The following CFAP221 variants were observed in gnomAD, a reference collection of about 807,000 sequenced individuals.
CFAP221 encodes cilia and flagella associated protein 221, also known as cilia- and flagella-associated protein 221.
Under a neutral mutation model 113.1 loss-of-function variants are expected in CFAP221, and 97 were observed. The observed-to-expected ratio is 0.86, with a 90% CI of 0.73 to 1.02. CFAP221 has a LOEUF of 1.02. Among genes scored for constraint, CFAP221 ranks in the 50% least tolerant of loss-of-function variants. The probability of loss-of-function intolerance (pLI) is 0.00; values close to 1 mark genes in which losing one functional copy is unlikely to be tolerated. For missense variants in CFAP221, 1,025 were observed against 1,013.4 expected, an observed-to-expected ratio of 1.01 and a Z score of -0.16; for synonymous variants, 331 against 354.4, an observed-to-expected ratio of 0.93 and a Z score of 0.74.
rs1413658401 is a variant in CFAP221, at chr2:119,601,275, A to G, written c.689A>G (p.Tyr230Cys). ...TVTIKFTPFQ[Y>C]GTAQIKMQLW... ...ACTATTAAGTTTACACCCTTTCAGTATGGGACTGCACAAATAAAAATGCAG... is the reference window on the plus strand; with the variant it reads ...ACTATTAAGTTTACACCCTTTCAGTGTGGGACTGCACAAATAAAAATGCAG... Residue 230 changes from tyrosine to cysteine, a missense_variant, in exon 8 of 24, where the codon TAT becomes TGT. Coordinates refer to ENST00000413369, the MANE Select transcript of CFAP221 (RefSeq NM_001271049.2). The G allele has an allele frequency of 1.3e-6, 2 of 1,535,662 alleles. No individual in the cohort carries two copies. The highest frequency in any genetic ancestry group is 1.2e-5 in the South Asian group (1 of 83,976).
intron 7 of CFAP221, among the ~76,000 whole-genome samples, chr2:119,597,804 C>T (rs1391544664): frequency 6.6e-6 from 1 of 152,096 alleles, no homozygotes; most frequent in East Asian, 1.9e-4. Flanking sequence ...GAAGGAGTGA[C>T]CCCCAATCAG....
chr2:119,657,387 G>A (rs1328957676), downstream of CFAP221, among the ~76,000 whole-genome samples: 2 of 152,166 alleles, frequency 1.3e-5, no homozygotes, highest in African/African-American at 4.8e-5. Context: ...CTTACATGGG[G>A]TTGTGAGGAT....
intron 6 of CFAP221, among the ~76,000 whole-genome samples, chr2:119,583,576 G>A (rs1682996514): frequency 6.6e-6 from 1 of 152,068 alleles, no homozygotes; most frequent in African/African-American, 2.4e-5. Flanking sequence ...AAGTAGCATT[G>A]CAATACACTA....
In CFAP221 at chr2:119,544,493, C is replaced by T. The variant is rs1679908010; in HGVS notation, c.-65C>T. On this transcript the variant is annotated 5_prime_UTR_variant, in exon 1 of 24. Coordinates refer to ENST00000413369, the MANE Select transcript of CFAP221 (RefSeq NM_001271049.2). ...GGCGCTGGCGCCGGCCGAATCCGGC[C>T]CGGGAACCACCTCCAGGGTGAGCGG... The T allele has an allele frequency of 6.6e-6, 1 of 151,906 alleles. No individual in the cohort carries two copies. Among genetic ancestry groups the T allele is most frequent in the Admixed American group, 6.6e-5 (1 of 15,240 alleles). The allele number at this position is 151,906 out of a possible 1,614,324, so 9.4% of individuals were successfully genotyped here.
intron 10 of CFAP221, 39 bp from the exon 11 acceptor site, chr2:119,605,142 C>T (rs765074385): frequency 1.3e-6 from 2 of 1,549,772 alleles, no homozygotes; most frequent in Non-Finnish European, 1.8e-6. Flanking sequence ...TGATTTTAAT[C>T]TGATTACTGG....
intron 21 of CFAP221, among the ~76,000 whole-genome samples, chr2:119,641,545 C>T (rs1455042473): frequency 1.3e-5 from 2 of 152,170 alleles, no homozygotes; most frequent in Non-Finnish European, 2.9e-5. Flanking sequence ...GGGCGAGCTA[C>T]GTACTAATGA....
chr2:119,651,085 G>A (rs2104815655), intron 22 of CFAP221, among the ~76,000 whole-genome samples: 1 of 152,332 alleles, frequency 6.6e-6, no homozygotes, highest in East Asian at 1.9e-4. Flanking sequence ...ATTTTACTAA[G>A]TGTTTGCTGA....
At chr2:119,587,924 C>A (rs1259828312) in intron 7 of CFAP221, among the ~76,000 whole-genome samples, 1 of 152,120 alleles carries the variant, frequency 6.6e-6, no homozygotes, top group Admixed American at 6.5e-5. Flanking sequence ...AATTAATTCT[C>A]AATTATGAAA....
intron 3 of CFAP221, among the ~76,000 whole-genome samples, chr2:119,558,516 A>T (rs999176207): frequency 2.0e-5 from 3 of 152,136 alleles, no homozygotes; most frequent in Non-Finnish European, 4.4e-5. Flanking sequence ...AATAAATAAG[A>T]ACTTTTTAAA....
chr2:119,620,710 T>C (rs1469088123), intron 14 of CFAP221, among the ~76,000 whole-genome samples: 1 of 152,096 alleles, frequency 6.6e-6, no homozygotes, highest in African/African-American at 2.4e-5. Context: ...CCAGCTAGCA[T>C]CATAATGACA....
At chr2:119,635,311 A>G (rs1432064111) in intron 19 of CFAP221, among the ~76,000 whole-genome samples, 2 of 152,230 alleles carry the variant, frequency 1.3e-5, no homozygotes, top group Non-Finnish European at 1.5e-5. Context: ...ATTCCTAGCT[A>G]TTCACCCAAG....
At chr2:119,563,187 CAT>C (rs1681378470) in intron 6 of CFAP221, among the ~76,000 whole-genome samples, 2 of 152,120 alleles carry the variant, frequency 1.3e-5, no homozygotes, top group South Asian at 4.1e-4. Context: ...ATAGTATTTA[CAT>C]ATAACCTATG....
intron 15 of CFAP221, 109 bp from the exon 16 acceptor site, chr2:119,627,544 T>TATATATATATAC (rs1686400625): frequency 1.4e-6 from 1 of 699,488 alleles, no homozygotes; most frequent in African/African-American, 2.0e-5. Context: ...TATATATATA[T>TATATATATATAC]ACACACCCAC....
chr2:119,658,610 C>T (rs1688525728), downstream of CFAP221, among the ~76,000 whole-genome samples: 2 of 150,802 alleles, frequency 1.3e-5, no homozygotes, highest in South Asian at 4.2e-4. Flanking sequence ...ACTGAGCCCC[C>T]CTCAACACGC....
intron 14 of CFAP221, among the ~76,000 whole-genome samples, chr2:119,619,242 G>A (rs1685728000): frequency 6.6e-6 from 1 of 152,226 alleles, no homozygotes; most frequent in Non-Finnish European, 1.5e-5. Flanking sequence ...TCTGCTAAGG[G>A]ACAGACTGCC....
At chr2:119,629,178 A>G (rs946723997) in intron 16 of CFAP221, among the ~76,000 whole-genome samples, 4 of 152,118 alleles carry the variant, frequency 2.6e-5, no homozygotes, top group African/African-American at 4.8e-5. Context: ...GTGATGGTGT[A>G]TTAGATTAGG....
At chr2:119,635,154 C>A (rs566444481) in intron 19 of CFAP221, among the ~76,000 whole-genome samples, 1 of 152,082 alleles carries the variant, frequency 6.6e-6, no homozygotes, top group Non-Finnish European at 1.5e-5. Context: ...CAAATTAAAA[C>A]GTCAATGAGA....
intron 19 of CFAP221, among the ~76,000 whole-genome samples, chr2:119,631,780 A>G (rs1686790757): frequency 6.6e-6 from 1 of 152,234 alleles, no homozygotes; most frequent in African/African-American, 2.4e-5. Context: ...CTGATCAGGA[A>G]AAAAGGCAAA....
chr2:119,625,815 A>T, intron 15 of CFAP221, 127 bp downstream of exon 15: 1 of 703,688 alleles, frequency 1.4e-6, no homozygotes, highest in South Asian at 1.9e-5. Flanking sequence ...TTAGTTTCCT[A>T]TCCTTGCTAT....
Sources: allele counts gnomAD v4.1 joint callset (sites outside exome capture counted in the v4.1 genomes callset), GRCh38; gene constraint gnomAD v4.1.1; transcripts MANE v1.5; gene names NCBI Gene and HGNC (gene_info 2026-07-23, HGNC 2026-07-21).